Variants in SOX5 observed in about 807,000 individuals in gnomAD.
SOX5 encodes transcription factor SOX-5.
A neutral mutation model predicts 92.0 loss-of-function variants in SOX5; 9 were observed. The ratio of observed to expected loss-of-function variants is 0.10; its 90% CI spans 0.06 to 0.17. The LOEUF is 0.17. Among genes scored for constraint, SOX5 ranks in the 10% least tolerant of loss-of-function variants. SOX5 has a pLI of 1.00. For missense variants in SOX5, 642 were observed against 944.5 expected (o/e 0.68, Z 4.20); for synonymous variants, 344 against 336.3 (o/e 1.02, Z -0.25).
At chr12:24,151,422 T>C (rs983085801) in intron 4 of SOX5, among the ~76,000 whole-genome samples, 2 of 152,162 alleles carry the variant, frequency 1.3e-5, no homozygotes, top group African/African-American at 4.8e-5. Context: ...GTGTATCATC[T>C]ACAATTTATT....
chr12:24,467,750 A>C (rs1944378830), intron 1 of SOX5, among the ~76,000 whole-genome samples: 1 of 152,072 alleles, frequency 6.6e-6, no homozygotes, highest in East Asian at 1.9e-4. Flanking sequence ...TCTCACCAAC[A>C]GAGTGTCCAA....
rs556198750 is a variant in SOX5, at chr12:24,091,428, ATTT to A, written c.-2+121912_-2+121914del. Among the ~76,000 whole-genome samples the A allele has an allele frequency of 6.5e-3, 797 of 122,646 alleles. 4 individuals carry two copies. The highest frequency in any genetic ancestry group is 8.8e-3 in the Non-Finnish European group (537 of 61,070). 80.5% of individuals were successfully genotyped at this position (122,646 alleles called of 152,430 possible). ...AAGCATAAAGTAAATAGAGAATGCT[ATTT>A]TTTTTTTTTTTTTTTTGAGATGGAG... On this transcript the variant is annotated intron_variant, in intron 4 of 4. Coordinates refer to the SOX5 transcript ENST00000446891.
At chr12:23,633,145 T>A (rs1480110083) in intron 8 of SOX5, among the ~76,000 whole-genome samples, 2 of 152,074 alleles carry the variant, frequency 1.3e-5, no homozygotes, top group Admixed American at 6.6e-5. Context: ...AACCATCTTT[T>A]GGCCAAGACA....
chr12:23,948,209 C>G (rs1944933150), intron 1 of SOX5, among the ~76,000 whole-genome samples: 1 of 137,948 alleles, frequency 7.2e-6, no homozygotes, highest in African/African-American at 2.6e-5. Context: ...AGTAAAGATG[C>G]AATTTAATTA....
At chr12:23,853,036 G>A (rs2096649563) in intron 2 of SOX5, among the ~76,000 whole-genome samples, 1 of 151,688 alleles carries the variant, frequency 6.6e-6, no homozygotes, top group Non-Finnish European at 1.5e-5. Flanking sequence ...TGAGAAGAGT[G>A]AGAAAAGGTA....
chr12:23,530,798 A>AGTTGTGTGTGTGTGT lies in SOX5; in HGVS notation c.*3420_*3421insACACACACACACAAC, dbSNP rs1555114758. The AGTTGTGTGTGTGTGT allele has an allele frequency of 9.1e-6, 1 of 109,472 alleles. No individual in the cohort carries two copies. The highest frequency in any genetic ancestry group is 1.9e-5 in the Non-Finnish European group (1 of 51,770). The allele number at this position is 109,472 out of a possible 1,614,324, so 6.8% of individuals were successfully genotyped here. A position where few individuals can be genotyped will look rare whatever the true frequency, so the allele number is the denominator to read the frequency against. On this transcript the variant is annotated 3_prime_UTR_variant, in exon 15 of 15. Transcript: ENST00000451604. ...AAGATTATTTCTCAGTGTTGGGGCA[A>AGTTGTGTGTGTGTGT]GTGTGTGTGTGTGTGTGTGTGCGCG...
chr12:24,250,962 C>T (rs1369938607), intron 3 of SOX5, among the ~76,000 whole-genome samples: 1 of 152,144 alleles, frequency 6.6e-6, no homozygotes, highest in East Asian at 1.9e-4. Context: ...AGGTCCCTTG[C>T]CCTTTAATTC....
chr12:23,868,400 A>G (rs1165841454), intron 2 of SOX5, among the ~76,000 whole-genome samples: 1 of 152,168 alleles, frequency 6.6e-6, no homozygotes, highest in Non-Finnish European at 1.5e-5. Flanking sequence ...TTTTGAAGCA[A>G]GAGCAAATTC....
intron 2 of SOX5, among the ~76,000 whole-genome samples, chr12:24,281,386 C>T (rs1945182095): frequency 6.6e-6 from 1 of 152,104 alleles, no homozygotes; most frequent in South Asian, 2.1e-4. Context: ...TGCATTTTCC[C>T]AGCAATGTCC....
intron 11 of SOX5, among the ~76,000 whole-genome samples, chr12:23,550,901 A>G (rs1388518710): frequency 1.3e-5 from 2 of 152,020 alleles, no homozygotes; most frequent in African/African-American, 2.4e-5. Flanking sequence ...TTAGAGGTAG[A>G]TATTTCCTTA....
chr12:24,321,036 T>C (rs1014390295), intron 2 of SOX5, among the ~76,000 whole-genome samples: 18 of 152,144 alleles, frequency 1.2e-4, no homozygotes, highest in African/African-American at 3.6e-4. Context: ...TTTTCTTCTG[T>C]CAGTGTTGTG....
At chr12:24,360,573 TA>T (rs1194367945) in intron 2 of SOX5, among the ~76,000 whole-genome samples, 2 of 152,218 alleles carry the variant, frequency 1.3e-5, no homozygotes, top group East Asian at 3.9e-4. Flanking sequence ...ATCTTATTAT[TA>T]GTTTAAGCAA....
chr12:23,859,738 T>C (rs1213001706), intron 2 of SOX5, among the ~76,000 whole-genome samples: 1 of 152,190 alleles, frequency 6.6e-6, no homozygotes. Flanking sequence ...TGATATGTGA[T>C]GTCACCCCTG....
intron 1 of SOX5, chr12:23,919,957 TTTA>T (rs1014651417): frequency 6.6e-6 from 1 of 152,200 alleles, no homozygotes; most frequent in Non-Finnish European, 1.5e-5. Flanking sequence ...TGGATGGTTT[TTTA>T]TTATATTTGA....
At chr12:24,157,887 A>G (rs1481572267) in intron 4 of SOX5, among the ~76,000 whole-genome samples, 1 of 151,942 alleles carries the variant, frequency 6.6e-6, no homozygotes, top group East Asian at 1.9e-4. Context: ...CTTCTTTTAC[A>G]CTTCCTTTGT....
At chr12:23,546,271 C>G (rs1341222687) in intron 12 of SOX5, 45 bp downstream of exon 12, 1 of 1,101,492 alleles carries the variant, frequency 9.1e-7, no homozygotes, top group Admixed American at 1.8e-5. Flanking sequence ...ACTACCTAGA[C>G]ACTTTCTTGC....
At chr12:24,255,115 G>T (rs1008529421) in intron 3 of SOX5, among the ~76,000 whole-genome samples, 3 of 152,044 alleles carry the variant, frequency 2.0e-5, no homozygotes, top group African/African-American at 4.8e-5. Flanking sequence ...TATTTCTCCA[G>T]TTTTTTCACT....
chr12:24,555,572 C>G (rs117734505), intron 1 of SOX5, among the ~76,000 whole-genome samples: 1,625 of 152,016 alleles, frequency 0.011, 17 homozygotes, highest in Non-Finnish European at 0.014. Context: ...GGCATTTCCT[C>G]CATGCCACAA....
At chr12:24,018,864 A>G (rs1290362648) in intron 4 of SOX5, among the ~76,000 whole-genome samples, 1 of 152,206 alleles carries the variant, frequency 6.6e-6, no homozygotes, top group African/African-American at 2.4e-5. Flanking sequence ...CCTGACTCCC[A>G]GTTCAGTGTC....
Sources: allele counts gnomAD v4.1 joint callset (sites outside exome capture counted in the v4.1 genomes callset), GRCh38; gene constraint gnomAD v4.1.1; transcripts MANE v1.5; gene names NCBI Gene and HGNC (gene_info 2026-07-23, HGNC 2026-07-21).